The following FIGN variants were observed in gnomAD, a reference collection of about 807,000 sequenced individuals.
The protein encoded by FIGN is fidgetin.
A neutral mutation model predicts 51.3 loss-of-function variants in FIGN; 11 were observed. The observed-to-expected ratio is 0.21, with a 90% CI of 0.13 to 0.35. FIGN has a LOEUF of 0.35. Ranked by LOEUF, FIGN falls within the 10% of genes least tolerant of loss-of-function variation. The probability of loss-of-function intolerance (pLI) is 1.00; values close to 1 mark genes in which losing one functional copy is unlikely to be tolerated. For synonymous variants in FIGN, 407 were observed against 363.2 expected, an observed-to-expected ratio of 1.12 and a Z score of -1.37; for missense variants, 857 against 943.6, an observed-to-expected ratio of 0.91 and a Z score of 1.20.
Position 163,714,661 on chromosome 2 carries a change from G to T in FIGN, c.25+20242C>A, listed in dbSNP as rs1024679452. ...ATATTGTGAGCCACTAAAAATAACT[G>T]ATTAGCATCTTCCAACTTTGGCAAT... On this transcript the variant is annotated intron_variant, in intron 2 of 2. Transcript: ENST00000333129. 5.9e-5 allele frequency among the ~76,000 whole-genome samples: 9 copies of T among 152,144 alleles called. 1 individual carries two copies. The highest frequency in any genetic ancestry group is 2.2e-4 in the African/African-American group (9 of 41,444).
chr2:163,607,629 CATT>C lies in FIGN; in HGVS notation c.*1920_*1922del, dbSNP rs1300717601. The C allele has an allele frequency of 1.3e-5, 2 of 151,656 alleles. No individual in the cohort carries two copies. Among genetic ancestry groups the C allele is most frequent in the Non-Finnish European group, 1.5e-5 (1 of 67,862 alleles). 9.4% of individuals were successfully genotyped at this position (151,656 alleles called of 1,614,324 possible). A position where few individuals can be genotyped will look rare whatever the true frequency, so the allele number is the denominator to read the frequency against. ...AGGCCTTTCTTGGGGCTTCTCATTG[CATT>C]TATTTAAATTTTTTTAAAAATGTAC... On this transcript the variant is annotated 3_prime_UTR_variant, in exon 3 of 3. Coordinates refer to ENST00000333129, the MANE Select transcript of FIGN (RefSeq NM_018086.4).
chr2:163,657,669 C>A (rs1443473428), intron 2 of FIGN, among the ~76,000 whole-genome samples: 1 of 152,048 alleles, frequency 6.6e-6, no homozygotes, highest in Non-Finnish European at 1.5e-5. Flanking sequence ...TTCCACTTGG[C>A]CAGAGTGTGG....
intron 2 of FIGN, among the ~76,000 whole-genome samples, chr2:163,649,743 A>G (rs1683441666): frequency 6.6e-6 from 1 of 152,236 alleles, no homozygotes. Context: ...TTAAGCAGCA[A>G]TAGATAACCA....
chr2:163,652,615 A>T (rs1311713737), intron 2 of FIGN, among the ~76,000 whole-genome samples: 1 of 152,170 alleles, frequency 6.6e-6, no homozygotes, highest in African/African-American at 2.4e-5. Flanking sequence ...TAACCAGCAT[A>T]TGTTCTGCTA....
Position 163,611,463 on chromosome 2 carries a change from A to G in FIGN, c.369T>C (p.Cys123=), listed in dbSNP as rs1359160925. The G allele has an allele frequency of 6.2e-7, 1 of 1,614,204 alleles. No individual in the cohort carries two copies. The highest frequency in any genetic ancestry group is 1.7e-5 in the Admixed American group (1 of 60,022). ...TGCTGGCAGTGATAACATCCGGAAC[A>G]CAGTTCATGGGATAAACAGCTTCTG... is the stretch of plus-strand genomic sequence containing the variant. ...LNSEAVYPMN[C]VPDVITASKA... is the part of the protein sequence containing the mutation. The change falls in exon 3 of 3, where the codon TGT becomes TGC. Residue 123 remains cysteine, a synonymous_variant. Transcript: ENST00000333129.
intron 2 of FIGN, among the ~76,000 whole-genome samples, chr2:163,696,809 ATTTGCACACCACCGTG>A (rs1684326566): frequency 6.7e-6 from 1 of 148,908 alleles, no homozygotes; most frequent in Admixed American, 6.7e-5. Flanking sequence ...CTAGGACTAC[ATTTGCACACCACCGTG>A]TCTGGCTAAT....
Position 163,726,732 on chromosome 2 carries a change from T to C in FIGN, c.25+8171A>G, listed in dbSNP as rs73974387. Among the ~76,000 whole-genome samples, 244 of 152,190 alleles carry C rather than the reference T, an allele frequency of 1.6e-3. 1 individual carries two copies. Among genetic ancestry groups the C allele is most frequent in the African/African-American group, 5.7e-3 (236 of 41,564 alleles). ...TCCATTTAGATAATCAAAACTGTAA[T>C]TTTTATCTAAAAGATTCCCTTAGAT... On this transcript the variant is annotated intron_variant, in intron 2 of 2. Transcript: ENST00000333129.
intron 2 of FIGN, among the ~76,000 whole-genome samples, chr2:163,717,834 T>C (rs80163246): frequency 0.084 from 12,860 of 152,254 alleles, 686 homozygotes; most frequent in Admixed American, 0.11. Context: ...TAGAAGGTTA[T>C]TCATTTAAAA....
chr2:163,643,322 A>C (rs1683331997), intron 2 of FIGN, among the ~76,000 whole-genome samples: 1 of 152,208 alleles, frequency 6.6e-6, no homozygotes, highest in Admixed American at 6.5e-5. Context: ...GTAGGTAGCA[A>C]CATACAAAAG....
In FIGN at chr2:163,609,469, T is replaced by A. The variant is rs1691181286; in HGVS notation, c.*83A>T. 2 of 1,218,714 alleles carry A rather than the reference T, an allele frequency of 1.6e-6. No homozygotes were observed. Among genetic ancestry groups the A allele is most frequent in the African/African-American group, 1.5e-5 (1 of 66,166 alleles). The allele number at this position is 1,218,714 out of a possible 1,614,324, so 75.5% of individuals were successfully genotyped here. A position where few individuals can be genotyped will look rare whatever the true frequency, so the allele number is the denominator to read the frequency against. ...GTACCCTTTGCAATTTAAACTCTAC[T>A]GGAAAGGGGCTCTATTCCCTATGTA... On this transcript the variant is annotated 3_prime_UTR_variant, in exon 3 of 3. Transcript: ENST00000333129.
At chr2:163,726,676 A>G (rs1246448750) in intron 2 of FIGN, among the ~76,000 whole-genome samples, 1 of 152,070 alleles carries the variant, frequency 6.6e-6, no homozygotes, top group Admixed American at 6.6e-5. Flanking sequence ...TTCACAAAGA[A>G]ATATATCTAT....
At chr2:163,715,451 C>T (rs750720181) in intron 2 of FIGN, among the ~76,000 whole-genome samples, 10 of 152,236 alleles carry the variant, frequency 6.6e-5, no homozygotes, top group Non-Finnish European at 1.3e-4. Flanking sequence ...GAGTGACTGT[C>T]GCAAGATTCA....
intron 2 of FIGN, among the ~76,000 whole-genome samples, chr2:163,623,525 GT>G (rs1422799815): frequency 6.6e-6 from 1 of 152,072 alleles, no homozygotes; most frequent in Non-Finnish European, 1.5e-5. Context: ...TTATGTTTGT[GT>G]TTTCTATGCA....
chr2:163,649,963 G>A (rs1683445329), intron 2 of FIGN, among the ~76,000 whole-genome samples: 1 of 152,154 alleles, frequency 6.6e-6, no homozygotes, highest in Non-Finnish European at 1.5e-5. Flanking sequence ...GCGTCACACA[G>A]CCAGGAAGTG....
chr2:163,691,031 G>A (rs1288995509), intron 2 of FIGN, among the ~76,000 whole-genome samples: 1 of 152,108 alleles, frequency 6.6e-6, no homozygotes, highest in Non-Finnish European at 1.5e-5. Context: ...AACCCAAATA[G>A]TCTTTCAGTC....
intron 2 of FIGN, among the ~76,000 whole-genome samples, chr2:163,647,120 C>T (rs1289531009): frequency 6.6e-6 from 1 of 152,210 alleles, no homozygotes; most frequent in Non-Finnish European, 1.5e-5. Context: ...CAAAGGCTCT[C>T]TCTGTTTTGG....
rs138872579 is a variant in FIGN, at chr2:163,732,699, C to A, written c.25+2204G>T. Among the ~76,000 whole-genome samples the A allele has an allele frequency of 3.8e-3, 581 of 152,292 alleles. 1 individual carries two copies. Among genetic ancestry groups the A allele is most frequent in the African/African-American group, 0.013 (556 of 41,568 alleles). On this transcript the variant is annotated intron_variant, in intron 2 of 2. Coordinates refer to ENST00000333129, the MANE Select transcript of FIGN (RefSeq NM_018086.4). ...AATAGATCTTGTTGGTTCCAGGAAA[C>A]ATTTTTAAAAATCTATACTGGTCAA...
chr2:163,726,205 G>A (rs1355213912), intron 2 of FIGN, among the ~76,000 whole-genome samples: 1 of 152,008 alleles, frequency 6.6e-6, no homozygotes, highest in East Asian at 1.9e-4. Flanking sequence ...GGGTCCCAAT[G>A]TCTACATTTG....
chr2:163,709,124 C>T (rs75057174), intron 2 of FIGN, among the ~76,000 whole-genome samples: 12,801 of 152,096 alleles, frequency 0.084, 679 homozygotes, highest in Admixed American at 0.11. Flanking sequence ...CAAGTTTCCA[C>T]GTGCATCACA....
Sources: gnomAD v4.1 joint callset for allele counts (sites outside exome capture counted in the v4.1 genomes callset) on GRCh38, gnomAD v4.1.1 for gene constraint, MANE v1.5 for transcripts, NCBI Gene and HGNC (gene_info 2026-07-23, HGNC 2026-07-21) for gene names.